The following KDM4B variants were observed in gnomAD, a reference collection of about 807,000 sequenced individuals.
KDM4B encodes the protein lysine-specific demethylase 4B.
A neutral mutation model predicts 125.2 loss-of-function variants in KDM4B; 32 were observed. That is an observed-to-expected ratio of 0.26 (90% confidence interval 0.19 to 0.34). KDM4B has a LOEUF of 0.34. Ranked by LOEUF, KDM4B falls within the 10% of genes least tolerant of loss-of-function variation. KDM4B has a pLI of 1.00. For synonymous variants in KDM4B, 721 were observed against 677.9 expected, an observed-to-expected ratio of 1.06 and a Z score of -0.99; for missense variants, 1,190 against 1,577.7, an observed-to-expected ratio of 0.75 and a Z score of 4.16.
rs1042737006 is a variant in KDM4B at position 4,988,469 on chromosome 19, G to T, written c.-109+19239G>T. On this transcript the variant is annotated intron_variant, in intron 1 of 22. Coordinates refer to ENST00000159111, the MANE Select transcript of KDM4B (RefSeq NM_015015.3). ...TTTTTGTATTTTTAGTAGAGACGGGGTTTCACCATGTTAGCCAGGATGGTC... is the reference window on the plus strand; with the variant it reads ...TTTTTGTATTTTTAGTAGAGACGGGTTTTCACCATGTTAGCCAGGATGGTC... Among the ~76,000 whole-genome samples, 26 of 152,118 alleles carry T rather than the reference G, an allele frequency of 1.7e-4. 1 individual carries two copies. The highest frequency in any genetic ancestry group is 3.4e-3 in the Middle Eastern group (1 of 294).
intron 9 of KDM4B, among the ~76,000 whole-genome samples, chr19:5,092,446 G>A (rs1046629601): frequency 1.3e-5 from 2 of 152,180 alleles, no homozygotes; most frequent in African/African-American, 2.4e-5. Flanking sequence ...CTCGGCTTTC[G>A]GGATCACGCC....
chr19:5,042,826 G>A (rs1308809560), intron 5 of KDM4B, among the ~76,000 whole-genome samples: 2 of 151,660 alleles, frequency 1.3e-5, no homozygotes, highest in African/African-American at 2.4e-5. Context: ...CGGCCCCACC[G>A]CCGACACCGG....
chr19:5,030,803 G>T (rs375240831), intron 2 of KDM4B, among the ~76,000 whole-genome samples: 2 of 152,266 alleles, frequency 1.3e-5, no homozygotes, highest in African/African-American at 4.8e-5. Context: ...ACAGAGCAGG[G>T]CCAGGGACCC....
At chr19:5,119,115 T>C (rs1438687994) in intron 10 of KDM4B, 1 of 1,517,520 alleles carries the variant, frequency 6.6e-7, no homozygotes, top group Non-Finnish European at 8.8e-7. Flanking sequence ...ATTTACATTC[T>C]AGACAAATTA....
At chr19:5,110,541 C>A in intron 9 of KDM4B, 81 bp from the exon 10 acceptor site, 1 of 1,437,540 alleles carries the variant, frequency 7.0e-7, no homozygotes, top group Non-Finnish European at 9.7e-7. Context: ...GGGCCGTGAG[C>A]CCTACCTGCT....
At chr19:5,015,124 A>T (rs2035853371) in intron 1 of KDM4B, among the ~76,000 whole-genome samples, 1 of 152,096 alleles carries the variant, frequency 6.6e-6, no homozygotes, top group Non-Finnish European at 1.5e-5. Flanking sequence ...GAGCAGAAGG[A>T]AGCAGAGGGC....
At chr19:5,073,967 G>C (rs1485587147) in intron 7 of KDM4B, 1 of 152,322 alleles carries the variant, frequency 6.6e-6, no homozygotes, top group Non-Finnish European at 1.5e-5. Flanking sequence ...AATTAGCTGG[G>C]CGTGGTGTTG....
intron 9 of KDM4B, among the ~76,000 whole-genome samples, chr19:5,109,843 C>A (rs1397292511): frequency 6.6e-6 from 1 of 152,222 alleles, no homozygotes; most frequent in Non-Finnish European, 1.5e-5. Flanking sequence ...TCTCTCAGCT[C>A]TTTGGGGACT....
At chr19:5,121,440 A>G (rs2039359677) in intron 11 of KDM4B, among the ~76,000 whole-genome samples, 2 of 152,192 alleles carry the variant, frequency 1.3e-5, no homozygotes, top group Non-Finnish European at 2.9e-5. Flanking sequence ...TTCTCTACTG[A>G]GAAGCAGCAA....
chr19:5,119,576 C>T, intron 10 of KDM4B, 77 bp from the exon 11 acceptor site: 1 of 1,390,070 alleles, frequency 7.2e-7, no homozygotes, highest in Admixed American at 2.0e-5. Flanking sequence ...GGGCTGCGTG[C>T]TGCCGGACAG....
At chr19:4,987,253 C>T (rs1187065552) in intron 1 of KDM4B, among the ~76,000 whole-genome samples, 1 of 152,236 alleles carries the variant, frequency 6.6e-6, no homozygotes, top group East Asian at 1.9e-4. Context: ...ACACAAAATG[C>T]AGCTGGCAGT....
chr19:5,118,710 C>T (rs867341701), intron 10 of KDM4B, among the ~76,000 whole-genome samples: 1 of 152,202 alleles, frequency 6.6e-6, no homozygotes, highest in African/African-American at 2.4e-5. Context: ...TGTCACTTTT[C>T]CTCCCTTTTT....
intron 11 of KDM4B, among the ~76,000 whole-genome samples, chr19:5,121,009 G>A (rs554849604): frequency 6.6e-6 from 1 of 152,314 alleles, no homozygotes; most frequent in South Asian, 2.1e-4. Flanking sequence ...TATTGTCCTT[G>A]GAACATGGCA....
intron 7 of KDM4B, 93 bp from the exon 8 acceptor site, chr19:5,077,274 G>A: frequency 1.9e-6 from 2 of 1,058,632 alleles, no homozygotes; most frequent in Non-Finnish European, 1.4e-6. Flanking sequence ...GCTCTCCATG[G>A]GAGGAAAGAG....
At chr19:5,003,804 C>T (rs113144149) in intron 1 of KDM4B, among the ~76,000 whole-genome samples, 6,543 of 152,024 alleles carry the variant, frequency 0.043, 194 homozygotes, top group Non-Finnish European at 0.068. Flanking sequence ...AGTGAGACCC[C>T]GTCTAAAAAA....
At chr19:5,091,746 G>A (rs1333482427) in intron 9 of KDM4B, among the ~76,000 whole-genome samples, 2 of 150,718 alleles carry the variant, frequency 1.3e-5, no homozygotes, top group Non-Finnish European at 3.0e-5. Context: ...GCAGAAGGCA[G>A]GGGCTGGGGA....
chr19:5,052,378 G>T (rs929161438), intron 6 of KDM4B, among the ~76,000 whole-genome samples: 1 of 146,122 alleles, frequency 6.8e-6, no homozygotes, highest in Admixed American at 6.8e-5. Context: ...GAGGGTGGGG[G>T]TGGGGAGGGT....
At chr19:5,051,505 A>G (rs894753224) in intron 6 of KDM4B, among the ~76,000 whole-genome samples, 1 of 152,228 alleles carries the variant, frequency 6.6e-6, no homozygotes, top group Admixed American at 6.5e-5. Flanking sequence ...GGGGATCAGC[A>G]TGTTCCTGGG....
chr19:5,021,005 G>A (rs2036099875), intron 2 of KDM4B, among the ~76,000 whole-genome samples: 2 of 152,084 alleles, frequency 1.3e-5, no homozygotes, highest in Admixed American at 1.3e-4. Flanking sequence ...AAATTAGCCG[G>A]ACGTGGTGGC....
Sources: allele counts gnomAD v4.1 joint callset (sites outside exome capture counted in the v4.1 genomes callset), GRCh38; gene constraint gnomAD v4.1.1; transcripts MANE v1.5; gene names NCBI Gene and HGNC (gene_info 2026-07-23, HGNC 2026-07-21).